The following ZNF592 variants were observed in gnomAD, a reference collection of about 807,000 sequenced individuals.
ZNF592 encodes zinc finger protein 592, also known as spinocerebellar ataxia, autosomal recessive 5.
In ZNF592, 11 loss-of-function variants were observed where a neutral mutation model predicts 80.3. The observed-to-expected ratio is 0.14, with a 90% CI of 0.09 to 0.23. ZNF592 has a LOEUF of 0.23. Ranked by LOEUF, ZNF592 falls within the 10% of genes least tolerant of loss-of-function variation. The probability of loss-of-function intolerance (pLI) is 1.00; values close to 1 mark genes in which losing one functional copy is unlikely to be tolerated. For missense variants in ZNF592, 1,420 were observed against 1,633.9 expected, an observed-to-expected ratio of 0.87 and a Z score of 2.26; for synonymous variants, 646 against 640.3, an observed-to-expected ratio of 1.01 and a Z score of -0.13.
At chr15:84,755,869 C>T (rs2141959132) in intron 1 of ZNF592, among the ~76,000 whole-genome samples, 1 of 152,334 alleles carries the variant, frequency 6.6e-6, no homozygotes, top group Admixed American at 6.5e-5. Context: ...GTGGATTAGG[C>T]TAGCACCTCT....
At position 84,799,021 on chromosome 15, in the gene ZNF592, T is replaced by C. The variant is rs1963015391; in HGVS notation, c.3025-77T>C. 6 of 1,596,376 alleles carry C rather than the reference T, an allele frequency of 3.8e-6. No homozygotes were observed. Among genetic ancestry groups the C allele is most frequent in the Non-Finnish European group, 4.3e-6 (5 of 1,164,218 alleles). Reference sequence around the variant, plus strand: ...TCGGGAGTATCCTCCTTTCTGCCCATGGCATCTGAGAAGAAAAATGCACCC... The same window carrying C: ...TCGGGAGTATCCTCCTTTCTGCCCACGGCATCTGAGAAGAAAAATGCACCC... On this transcript the variant is annotated intron_variant, in intron 8 of 10. Coordinates refer to ENST00000560079, the MANE Select transcript of ZNF592 (RefSeq NM_014630.3). The surrounding 1 kb of genome is among the most constrained non-coding windows in gnomAD (Gnocchi z 4.2).
intron 2 of ZNF592, among the ~76,000 whole-genome samples, chr15:84,775,876 ACT>A (rs1291884541): frequency 2.6e-5 from 4 of 152,322 alleles, no homozygotes; most frequent in Non-Finnish European, 5.9e-5. Flanking sequence ...AAAGTAGTAG[ACT>A]CTGTAATAAA....
chr15:84,782,786 T>C lies in ZNF592; in HGVS notation c.111T>C (p.Asn37=), dbSNP rs1486880171. The C allele has an allele frequency of 1.2e-6, 2 of 1,613,926 alleles. No individual in the cohort carries two copies. Among genetic ancestry groups the C allele is most frequent in the Non-Finnish European group, 1.7e-6 (2 of 1,180,014 alleles). Residue 37 remains asparagine, a synonymous_variant, in exon 4 of 11, where the codon AAT becomes AAC. Coordinates refer to ENST00000560079, the MANE Select transcript of ZNF592 (RefSeq NM_014630.3). ...KEAIQTPSEE[N]ESPLKPPGIC... is the part of the protein sequence containing the mutation. ...CCATCCAGACACCCAGTGAGGAGAA[T>C]GAGAGTCCCCTCAAACCTCCAGGCA...
Position 84,784,046 on chromosome 15 carries a change from C to T in ZNF592, c.1371C>T (p.Asp457=). The change falls in exon 4 of 11, where the codon GAC becomes GAT. Residue 457 remains aspartate (D), a synonymous_variant. Coordinates refer to ENST00000560079, the MANE Select transcript of ZNF592 (RefSeq NM_014630.3). This position sits in a 1 kb window ranked among gnomAD's most constrained non-coding sequence, Gnocchi z 5.8. ...ACGAGAGCATGACAAAGGCCAGTGA[C>T]TCGTCATCTCCCAGCTGCAGTTCTG... ...KGDESMTKAS[D]SSSPSCSSGP... The T allele has an allele frequency of 6.2e-7, 1 of 1,612,858 alleles. No homozygotes were observed. The highest frequency in any genetic ancestry group is 8.5e-7 in the Non-Finnish European group (1 of 1,179,006).
chr15:84,749,581 C>T (rs1476404161), intron 1 of ZNF592, among the ~76,000 whole-genome samples: 1 of 152,186 alleles, frequency 6.6e-6, no homozygotes, highest in African/African-American at 2.4e-5. Context: ...ATAGGACTGG[C>T]AGTAGAAGAA....
intron 1 of ZNF592, among the ~76,000 whole-genome samples, chr15:84,758,980 C>G (rs1899264721): frequency 6.6e-6 from 1 of 152,082 alleles, no homozygotes; most frequent in Non-Finnish European, 1.5e-5. Flanking sequence ...GCATTCTACT[C>G]TTTTTTGCCA....
intron 4 of ZNF592, among the ~76,000 whole-genome samples, chr15:84,786,898 T>A (rs974179296): frequency 2.7e-4 from 38 of 140,380 alleles, no homozygotes; most frequent in Non-Finnish European, 5.3e-4. Context: ...TTGCCCAGGA[T>A]GGAGTGCAGT....
In ZNF592 at chr15:84,798,896, A is replaced by G. The variant is rs1212838830; in HGVS notation, c.3024+21A>G. On this transcript the variant is annotated intron_variant, in intron 8 of 10. Coordinates refer to ENST00000560079, the MANE Select transcript of ZNF592 (RefSeq NM_014630.3). The surrounding 1 kb of genome is among the most constrained non-coding windows in gnomAD (Gnocchi z 4.5). ...GTCGGGTAAGTGCAGCCACACAGTC[A>G]TAATGCAGAGCCCAGTCCTCTGGAC... is the stretch of plus-strand genomic sequence containing the variant. The G allele has an allele frequency of 2.5e-6, 4 of 1,598,148 alleles. No homozygotes were observed. Among genetic ancestry groups the G allele is most frequent in the Non-Finnish European group, 2.5e-6 (3 of 1,179,516 alleles).
At chr15:84,776,815 G>A (rs1266776767) in intron 2 of ZNF592, among the ~76,000 whole-genome samples, 1 of 152,208 alleles carries the variant, frequency 6.6e-6, no homozygotes, top group East Asian at 1.9e-4. Context: ...ACTTTGGGCG[G>A]CCAAGGCCGG....
chr15:84,798,870 G>C lies in ZNF592; in HGVS notation c.3019G>C (p.Gly1007Arg), dbSNP rs764121202. The C allele has an allele frequency of 2.5e-6, 4 of 1,598,004 alleles. No homozygotes were observed. In the South Asian group the frequency reaches 4.4e-5, roughly 18 times the overall value. Residue 1007 changes from glycine (G) to arginine (R), a missense_variant, in exon 8 of 11, where the codon GGT becomes CGT. By Grantham distance (125) the Gly-to-Arg change is moderately radical. This residue lies in a region of ZNF592 where 331 missense variants were observed against 347.0 expected (regional missense o/e 0.95). Transcript: ENST00000560079. The surrounding 1 kb of genome is among the most constrained non-coding windows in gnomAD (Gnocchi z 4.5). ...SYVSHMKKSH[G>R]RTLKRYPCRQ... is the part of the protein sequence containing the mutation. Reference sequence around the variant, plus strand: ...CGTGTCCCACATGAAAAAGAGCCACGGTCGGGTAAGTGCAGCCACACAGTC... The same window carrying C: ...CGTGTCCCACATGAAAAAGAGCCACCGTCGGGTAAGTGCAGCCACACAGTC...
At chr15:84,797,804 C>T (rs1413900131) in intron 5 of ZNF592, 65 bp from the exon 6 acceptor site, 32 of 1,581,240 alleles carry the variant, frequency 2.0e-5, no homozygotes, top group Middle Eastern at 1.7e-4. Flanking sequence ...CCTCTTGCAG[C>T]ACCACCTCTG....
chr15:84,795,065 T>C (rs1271978006), intron 5 of ZNF592, among the ~76,000 whole-genome samples: 2 of 150,380 alleles, frequency 1.3e-5, no homozygotes. Context: ...AGCCTATATA[T>C]GGTTATTTAT....
intron 1 of ZNF592, among the ~76,000 whole-genome samples, chr15:84,759,431 G>A (rs1899276586): frequency 6.6e-6 from 1 of 152,060 alleles, no homozygotes; most frequent in Non-Finnish European, 1.5e-5. Flanking sequence ...TTCATTACTT[G>A]TCTCCCCTTG....
At position 84,802,997 on chromosome 15, in the gene ZNF592, G is replaced by C. The variant is rs1240302067; in HGVS notation, c.*604G>C. On this transcript the variant is annotated 3_prime_UTR_variant, in exon 11 of 11. Coordinates refer to ENST00000560079, the MANE Select transcript of ZNF592 (RefSeq NM_014630.3). ...TGTCACACTGGCTCATCATGTCTCTGTGGGTGGGGTGGGAGAAACCTCTGC... is the reference window on the plus strand; with the variant it reads ...TGTCACACTGGCTCATCATGTCTCTCTGGGTGGGGTGGGAGAAACCTCTGC... 1.9e-5 allele frequency: 3 copies of C among 154,660 alleles called. No homozygotes were observed. Among genetic ancestry groups the C allele is most frequent in the Non-Finnish European group, 2.9e-5 (2 of 69,656 alleles). 9.6% of individuals were successfully genotyped at this position (154,660 alleles called of 1,614,324 possible).
chr15:84,754,918 C>T (rs1480032448), intron 1 of ZNF592, among the ~76,000 whole-genome samples: 2 of 146,714 alleles, frequency 1.4e-5, no homozygotes, highest in African/African-American at 5.0e-5. Context: ...ATGACTTTAA[C>T]TTTTTATTTT....
At chr15:84,759,954 T>TGGGGGGGGGG in intron 1 of ZNF592, among the ~76,000 whole-genome samples, 1 of 49,714 alleles carries the variant, frequency 2.0e-5, no homozygotes, top group South Asian at 7.2e-4. Flanking sequence ...TTGGGGAGAT[T>TGGGGGGGGGG]CCCCCCCCCC....
At position 84,798,310 on chromosome 15, in the gene ZNF592, A is replaced by G. The variant is rs1191768748; in HGVS notation, c.2577-5A>G. ...CACCTCACCCCCTAGGGCTTGTCTC[A>G]TCAGGCTCATTTATAAGTGCTCCTG... On this transcript the variant is annotated splice_region_variant and splice_polypyrimidine_tract_variant and intron_variant, in intron 6 of 10. Coordinates refer to ENST00000560079, the MANE Select transcript of ZNF592 (RefSeq NM_014630.3). This position sits in a 1 kb window ranked among gnomAD's most constrained non-coding sequence, Gnocchi z 4.5. The G allele has an allele frequency of 6.2e-7, 1 of 1,614,148 alleles. No individual in the cohort carries two copies. Among genetic ancestry groups the G allele is most frequent in the South Asian group, 1.1e-5 (1 of 91,082 alleles).
intron 1 of ZNF592, among the ~76,000 whole-genome samples, chr15:84,755,162 C>T (rs1899133331): frequency 6.9e-6 from 1 of 144,506 alleles, no homozygotes; most frequent in Non-Finnish European, 1.5e-5. Flanking sequence ...GTTGGTGTTT[C>T]ACCATGTTGG....
intron 5 of ZNF592, 110 bp downstream of exon 5, chr15:84,790,993 A>G: frequency 5.5e-6 from 7 of 1,270,684 alleles, no homozygotes; most frequent in South Asian, 1.2e-5. Flanking sequence ...GTTCCAGTCT[A>G]CACAGGACAA....
Sources: allele counts gnomAD v4.1 joint callset (sites outside exome capture counted in the v4.1 genomes callset), GRCh38; gene constraint gnomAD v4.1.1; regional missense constraint gnomAD v4.1.1; non-coding constraint Gnocchi (gnomAD v3.1); transcripts MANE v1.5; gene names NCBI Gene and HGNC (gene_info 2026-07-23, HGNC 2026-07-21).